Variants in DAP3 observed in about 807,000 individuals in gnomAD.
DAP3 encodes small ribosomal subunit protein mS29.
DAP3 carries 28 observed loss-of-function variants against 51.9 expected under a neutral mutation model. The ratio of observed to expected loss-of-function variants is 0.54; its 90% confidence interval spans 0.40 to 0.74. The LOEUF (loss-of-function observed/expected upper bound fraction) is 0.74. DAP3 is among the 30% of genes least tolerant of loss of function. The pLI is 0.00. For synonymous variants in DAP3, 170 were observed against 170.3 expected, an observed-to-expected ratio of 1.00 and a Z score of 0.01; for missense variants, 458 against 483.5, an observed-to-expected ratio of 0.95 and a Z score of 0.49.
chr1:155,729,167 A>C, intron 8 of DAP3, 41 bp from the exon 9 acceptor site: 1 of 1,614,134 alleles, frequency 6.2e-7, no homozygotes, highest in Non-Finnish European at 8.5e-7. Context: ...TAACAAGAGA[A>C]GGCCTCTGGT....
intron 11 of DAP3, among the ~76,000 whole-genome samples, chr1:155,734,230 T>C (rs186303655): frequency 1.3e-5 from 2 of 152,236 alleles, no homozygotes; most frequent in Non-Finnish European, 2.9e-5. Context: ...TTTTTGGAGA[T>C]AGGGTCTCAC....
At chr1:155,732,254 G>T in intron 11 of DAP3, 1 of 315,732 alleles carries the variant, frequency 3.2e-6, no homozygotes, top group Non-Finnish European at 5.7e-6. Flanking sequence ...TTTTGAGACG[G>T]AGTCTTGCTC....
At chr1:155,698,068 C>T (rs1654751939) in intron 1 of DAP3, among the ~76,000 whole-genome samples, 1 of 152,158 alleles carries the variant, frequency 6.6e-6, no homozygotes, top group Admixed American at 6.5e-5. Flanking sequence ...CCCTTGTTCC[C>T]CGAAAATCGT....
In DAP3 at chr1:155,689,112, TGGAGCCGGCCCCA is replaced by T; in HGVS notation, c.-67_-55del. The T allele has an allele frequency of 8.4e-7, 1 of 1,196,156 alleles. No individual in the cohort carries two copies. The highest frequency in any genetic ancestry group is 1.2e-6 in the Non-Finnish European group (1 of 843,258). The allele number at this position is 1,196,156 out of a possible 1,614,324, so 74.1% of individuals were successfully genotyped here. On this transcript the variant is annotated 5_prime_UTR_variant, in exon 1 of 13. Coordinates refer to ENST00000368336, the MANE Select transcript of DAP3 (RefSeq NM_004632.4). ...TTTTGCAGTCTCAGGACGGGCGCTTTGGAGCCGGCCCCAGGCAGCGTGTGTCGGTCGCCTAGTC... is the reference window on the plus strand; with the variant it reads ...TTTTGCAGTCTCAGGACGGGCGCTTTGGCAGCGTGTGTCGGTCGCCTAGTC...
intron 5 of DAP3, 51 bp downstream of exon 5, chr1:155,725,541 C>G (rs1658475059): frequency 6.7e-7 from 1 of 1,497,952 alleles, no homozygotes; most frequent in Non-Finnish European, 9.3e-7. Context: ...TTTCTCCCCT[C>G]AAATAAGGCA....
chr1:155,730,861 TTC>T (rs1659164384), intron 9 of DAP3, among the ~76,000 whole-genome samples: 1 of 152,144 alleles, frequency 6.6e-6, no homozygotes, highest in Admixed American at 6.6e-5. Context: ...GTGGGTGTTT[TTC>T]TCAGTGACTG....
At chr1:155,722,544 A>G (rs1380826287) in intron 4 of DAP3, among the ~76,000 whole-genome samples, 2 of 152,098 alleles carry the variant, frequency 1.3e-5, no homozygotes, top group African/African-American at 2.4e-5. Flanking sequence ...ATGAGACTGT[A>G]TCTTTATTTA....
At chr1:155,726,152 C>G in intron 6 of DAP3, 133 bp downstream of exon 6, 2 of 752,718 alleles carry the variant, frequency 2.7e-6, no homozygotes, top group Non-Finnish European at 4.0e-6. Context: ...TCGCTCTTGT[C>G]GGCCAGTCTG....
intron 10 of DAP3, 28 bp from the exon 11 acceptor site, chr1:155,731,916 C>T: frequency 6.4e-7 from 1 of 1,567,674 alleles, no homozygotes; most frequent in Non-Finnish European, 8.6e-7. Flanking sequence ...TAACTTTTTC[C>T]AGTTCAGCCT....
chr1:155,725,162 GACTA>G (rs1658431979), intron 4 of DAP3, among the ~76,000 whole-genome samples: 1 of 152,150 alleles, frequency 6.6e-6, no homozygotes, highest in East Asian at 1.9e-4. Flanking sequence ...ATCAAAAGCT[GACTA>G]TCATGTTACT....
At chr1:155,701,148 C>T (rs1655226864) in intron 1 of DAP3, among the ~76,000 whole-genome samples, 1 of 118,502 alleles carries the variant, frequency 8.4e-6, no homozygotes, top group Non-Finnish European at 1.6e-5. Context: ...AGTAGCCCCT[C>T]TGCCCGGCCA....
chr1:155,697,100 A>G (rs913011296), intron 1 of DAP3, among the ~76,000 whole-genome samples: 2 of 152,194 alleles, frequency 1.3e-5, no homozygotes, highest in Non-Finnish European at 2.9e-5. Context: ...TTTTTTAACT[A>G]TTTCATGGAA....
At chr1:155,725,225 T>C (rs564776698) in intron 4 of DAP3, among the ~76,000 whole-genome samples, 157 bp from the exon 5 acceptor site, 1 of 152,246 alleles carries the variant, frequency 6.6e-6, no homozygotes, top group East Asian at 1.9e-4. Context: ...TATGGATAGA[T>C]TTTCAAACTC....
chr1:155,730,707 G>T (rs565997922), intron 9 of DAP3, among the ~76,000 whole-genome samples: 7 of 152,152 alleles, frequency 4.6e-5, no homozygotes, highest in Non-Finnish European at 1.0e-4. Flanking sequence ...AAAACTAAGG[G>T]AGTATGTTGT....
chr1:155,719,863 G>A (rs1657780816), intron 3 of DAP3, among the ~76,000 whole-genome samples: 1 of 151,984 alleles, frequency 6.6e-6, no homozygotes, highest in African/African-American at 2.4e-5. Flanking sequence ...TTTTCAATTA[G>A]CAGTGCATAG....
At chr1:155,721,348 ATATGTATGTGTATATATATATG>A (rs1181701179) in intron 3 of DAP3, among the ~76,000 whole-genome samples, 147 bp from the exon 4 acceptor site, 131 of 149,084 alleles carry the variant, frequency 8.8e-4, no homozygotes, top group Non-Finnish European at 1.4e-3. Context: ...TAATATATAT[ATATGTATGTGTATATATATATG>A]TATGTATGTG....
chr1:155,696,896 TAAC>T (rs1375203529), intron 1 of DAP3, among the ~76,000 whole-genome samples: 1 of 152,198 alleles, frequency 6.6e-6, no homozygotes, highest in Non-Finnish European at 1.5e-5. Flanking sequence ...AAATCTATAA[TAAC>T]AAGCAGCCAG....
rs6143433 is a variant in DAP3, at chr1:155,738,972, AAAATAAATAAATAAAT to A, written c.*749_*764del. On this transcript the variant is annotated 3_prime_UTR_variant, in exon 13 of 13. Coordinates refer to ENST00000368336, the MANE Select transcript of DAP3 (RefSeq NM_004632.4). ...GGGCAGCAGAGCAAGACTCCGTCTC[AAAATAAATAAATAAAT>A]AAATAAATAAATAAATAATAAATGT... 1 of 144,434 alleles carries A rather than the reference AAAATAAATAAATAAAT, an allele frequency of 6.9e-6. No individual in the cohort carries two copies. The highest frequency in any genetic ancestry group is 1.5e-5 in the Non-Finnish European group (1 of 66,632). The allele number at this position is 144,434 out of a possible 1,614,324, so 8.9% of individuals were successfully genotyped here. A position where few individuals can be genotyped will look rare whatever the true frequency, so the allele number is the denominator to read the frequency against.
upstream of DAP3, chr1:155,688,542 G>C: frequency 5.2e-6 from 8 of 1,541,694 alleles, no homozygotes; most frequent in Non-Finnish European, 7.0e-6. Context: ...CACCACCTTC[G>C]GCCGTCCTGC....
Sources: allele counts gnomAD v4.1 joint callset (sites outside exome capture counted in the v4.1 genomes callset), GRCh38; gene constraint gnomAD v4.1.1; transcripts MANE v1.5; gene names NCBI Gene and HGNC (gene_info 2026-07-23, HGNC 2026-07-21).